ABHD2: variants seen among roughly 807,000 people sequenced by gnomAD.
ABHD2 encodes the protein abhydrolase domain containing 2, acylglycerol lipase, also known as monoacylglycerol lipase ABHD2.
A neutral mutation model predicts 48.1 loss-of-function variants in ABHD2; 20 were observed. The ratio of observed to expected loss-of-function variants is 0.42; its 90% CI spans 0.29 to 0.60. The LOEUF is 0.60. ABHD2 is among the 20% of genes least tolerant of loss of function. ABHD2 has a pLI of 0.24. For synonymous variants in ABHD2, 209 were observed against 214.2 expected, an observed-to-expected ratio of 0.98 and a Z score of 0.21; for missense variants, 405 against 550.9, an observed-to-expected ratio of 0.74 and a Z score of 2.65.
At position 89,151,585 on chromosome 15, in the gene ABHD2, CA is replaced by C; in HGVS notation, c.195-87del. ...CTTTGTGTGCAGAATTTCCCTGGAA[CA>C]AAAATAGGTTGAAAGAGTTTTGCTA... On this transcript the variant is annotated intron_variant, in intron 3 of 10. Transcript: ENST00000352732. This position sits in a 1 kb window ranked among gnomAD's most constrained non-coding sequence, Gnocchi z 4.7. The C allele has an allele frequency of 7.0e-7, 1 of 1,428,002 alleles. No individual in the cohort carries two copies. Among genetic ancestry groups the C allele is most frequent in the Non-Finnish European group, 9.5e-7 (1 of 1,049,748 alleles). 88.5% of individuals were successfully genotyped at this position (1,428,002 alleles called of 1,614,324 possible).
the ABHD2 span, among the ~76,000 whole-genome samples, chr15:89,043,432 A>AAAG: frequency 1.4e-5 from 2 of 147,540 alleles, no homozygotes; most frequent in Non-Finnish European, 3.0e-5. Context: ...TCTCTTTTTT[A>AAAG]AAGAAGAAGA....
At chr15:89,138,151 G>A (rs1462567652) in intron 3 of ABHD2, among the ~76,000 whole-genome samples, 1 of 152,250 alleles carries the variant, frequency 6.6e-6, no homozygotes, top group Non-Finnish European at 1.5e-5. Flanking sequence ...TCAGGATCTG[G>A]AAAAGAACTG....
chr15:89,073,461 AT>A, the ABHD2 span, among the ~76,000 whole-genome samples: 3 of 152,008 alleles, frequency 2.0e-5, no homozygotes, highest in East Asian at 5.8e-4. Context: ...ATGCCTGGTA[AT>A]TTTTTTGTAT....
At chr15:89,061,953 G>T in the ABHD2 span, among the ~76,000 whole-genome samples, 5 of 152,148 alleles carry the variant, frequency 3.3e-5, no homozygotes, top group African/African-American at 7.2e-5. Context: ...ATATGCCTGT[G>T]CCATAGTTTG....
chr15:89,156,136 T>G (rs2050669610), intron 5 of ABHD2, among the ~76,000 whole-genome samples: 1 of 147,186 alleles, frequency 6.8e-6, no homozygotes, highest in East Asian at 2.0e-4. Flanking sequence ...TTTTTTTTTT[T>G]TTGAGACAGA....
intron 6 of ABHD2, chr15:89,183,220 TTGCCA>T (rs2051141091): frequency 6.6e-6 from 1 of 151,994 alleles, no homozygotes; most frequent in African/African-American, 2.4e-5. Context: ...TTTGTTTATT[TTGCCA>T]GTTGGCTGGT....
chr15:89,147,543 C>T (rs1216155420), intron 3 of ABHD2, among the ~76,000 whole-genome samples: 2 of 150,758 alleles, frequency 1.3e-5, no homozygotes, highest in Non-Finnish European at 3.0e-5. Flanking sequence ...TCAGTAGAGA[C>T]GGGGTTTCAC....
chr15:89,117,890 G>A (rs953889373), intron 3 of ABHD2, among the ~76,000 whole-genome samples: 5 of 152,148 alleles, frequency 3.3e-5, no homozygotes, highest in African/African-American at 7.2e-5. Context: ...GTACATGGGC[G>A]GTATTCTTAT....
intron 3 of ABHD2, among the ~76,000 whole-genome samples, chr15:89,133,906 G>A (rs947889779): frequency 3.5e-5 from 5 of 143,784 alleles, no homozygotes; most frequent in Admixed American, 1.5e-4. Context: ...GCGTGATCTC[G>A]GCTCACTGCA....
the ABHD2 span, among the ~76,000 whole-genome samples, chr15:89,072,347 G>C: frequency 6.8e-6 from 1 of 146,340 alleles, no homozygotes; most frequent in Non-Finnish European, 1.5e-5. Flanking sequence ...ATGGTGGTGG[G>C]GGCCTGTAGT....
chr15:89,141,387 C>T (rs898381915), intron 3 of ABHD2, among the ~76,000 whole-genome samples: 3 of 152,200 alleles, frequency 2.0e-5, no homozygotes, highest in Non-Finnish European at 4.4e-5. Flanking sequence ...AATCCCAGCA[C>T]TTTGGAAGGC....
rs372031924 is a variant in ABHD2 at position 89,102,914 on chromosome 15, G to A, written c.-106-10811G>A. Reference sequence around the variant, plus strand: ...GGTGGGATTGCCCTTGGGCTTTAAAGAAGGCTGAGAAAACTTACTTCCAGA... The same window carrying A: ...GGTGGGATTGCCCTTGGGCTTTAAAAAAGGCTGAGAAAACTTACTTCCAGA... On this transcript the variant is annotated intron_variant, in intron 1 of 10. Transcript: ENST00000352732. This position sits in a 1 kb window ranked among gnomAD's most constrained non-coding sequence, Gnocchi z 4.8. Among the ~76,000 whole-genome samples, 3 of 152,250 alleles carry A rather than the reference G, an allele frequency of 2.0e-5. No individual in the cohort carries two copies. The highest frequency in any genetic ancestry group is 7.2e-5 in the African/African-American group (3 of 41,474).
intron 3 of ABHD2, among the ~76,000 whole-genome samples, chr15:89,121,684 C>T (rs2150825547): frequency 6.6e-6 from 1 of 152,256 alleles, no homozygotes; most frequent in East Asian, 1.9e-4. Context: ...AGGCATGAAC[C>T]TACCTGTCCA....
chr15:89,109,062 T>G (rs1054817898), intron 1 of ABHD2, among the ~76,000 whole-genome samples: 8 of 152,204 alleles, frequency 5.3e-5, no homozygotes, highest in African/African-American at 1.4e-4. Context: ...GAGCAGACAC[T>G]AGGACCCAGG....
intron 5 of ABHD2, among the ~76,000 whole-genome samples, chr15:89,169,724 C>T (rs140943449): frequency 1.1e-3 from 162 of 152,216 alleles, no homozygotes; most frequent in African/African-American, 3.2e-3. Flanking sequence ...TTAGCATTGT[C>T]GAAACTGGCC....
chr15:89,151,498 T>A lies in ABHD2; in HGVS notation c.195-179T>A, dbSNP rs1264388584. Among the ~76,000 whole-genome samples, 1 of 152,150 alleles carries A rather than the reference T, an allele frequency of 6.6e-6. No homozygotes were observed. Among genetic ancestry groups the A allele is most frequent in the Non-Finnish European group, 1.5e-5 (1 of 68,018 alleles). On this transcript the variant is annotated intron_variant, in intron 3 of 10. Coordinates refer to ENST00000352732, the MANE Select transcript of ABHD2 (RefSeq NM_152924.5). The surrounding 1 kb of genome is among the most constrained non-coding windows in gnomAD (Gnocchi z 4.7). ...GCTAATCTGATGCAGAGTGTATTAG[T>A]AAATGGGGAAAGGCGGTAAATCATG...
At chr15:89,135,887 G>A (rs542688651) in intron 3 of ABHD2, 7 of 639,822 alleles carry the variant, frequency 1.1e-5, no homozygotes, top group African/African-American at 1.8e-5. Flanking sequence ...ACAGGAAGAA[G>A]GCCGAAGGAG....
intron 5 of ABHD2, among the ~76,000 whole-genome samples, chr15:89,156,648 G>C (rs963568420): frequency 2.0e-5 from 3 of 151,824 alleles, no homozygotes; most frequent in African/African-American, 7.3e-5. Context: ...TGAGGCACGA[G>C]GATCACTTGA....
Position 89,155,458 on chromosome 15 carries a change from C to T in ABHD2, c.462C>T (p.Gly154=). The change falls in exon 5 of 11, where the codon GGC becomes GGT. Residue 154 remains glycine (G), a synonymous_variant. Coordinates refer to ENST00000352732, the MANE Select transcript of ABHD2 (RefSeq NM_152924.5). The surrounding 1 kb of genome is among the most constrained non-coding windows in gnomAD (Gnocchi z 4.9). ...RTFVDYAQKN[G]YRCAVLNHLG... ...TCGTTGACTACGCCCAGAAAAATGG[C>T]TATCGGTGCGCCGTGCTGAACCACC... 1 of 1,614,212 alleles carries T rather than the reference C, an allele frequency of 6.2e-7. No homozygotes were observed. Among genetic ancestry groups the T allele is most frequent in the African/African-American group, 1.3e-5 (1 of 75,052 alleles).
Sources: gnomAD v4.1 joint callset for allele counts (sites outside exome capture counted in the v4.1 genomes callset) on GRCh38, gnomAD v4.1.1 for gene constraint, Gnocchi (gnomAD v3.1) non-coding constraint, MANE v1.5 for transcripts, NCBI Gene and HGNC (gene_info 2026-07-23, HGNC 2026-07-21) for gene names.